Variants in ZNF385C observed in about 807,000 individuals in gnomAD.
ZNF385C encodes the protein zinc finger protein 385C, also known as CTD-2132N18.2.
A neutral mutation model predicts 35.4 loss-of-function variants in ZNF385C; 28 were observed. The ratio of observed to expected loss-of-function variants is 0.79; its 90% CI spans 0.59 to 1.08. ZNF385C has a LOEUF of 1.08. Among genes scored for constraint, ZNF385C ranks in the 50% least tolerant of loss-of-function variants. The pLI is 0.00. For synonymous variants in ZNF385C, 248 were observed against 248.2 expected (o/e 1.00, Z 0.01); for missense variants, 605 against 595.6 (o/e 1.02, Z -0.16).
At chr17:42,061,328 C>T (rs527460429) in intron 2 of ZNF385C, 3 of 140,370 alleles carry the variant, frequency 2.1e-5, no homozygotes, top group Admixed American at 8.1e-5. Flanking sequence ...TCAAGTGATT[C>T]GTCTGCCTCA....
At chr17:42,068,626 A>G (rs2053581670) in intron 1 of ZNF385C, among the ~76,000 whole-genome samples, 1 of 152,180 alleles carries the variant, frequency 6.6e-6, no homozygotes. Context: ...AGTAGCTGGG[A>G]TTACCGGCAT....
intron 4 of ZNF385C, among the ~76,000 whole-genome samples, chr17:42,032,879 CTT>C: frequency 6.8e-6 from 1 of 146,016 alleles, no homozygotes; most frequent in Middle Eastern, 3.5e-3. Flanking sequence ...CAACTGGCTG[CTT>C]TTTTTTTTTT....
intron 1 of ZNF385C, among the ~76,000 whole-genome samples, chr17:42,080,319 G>A (rs1555659625): frequency 6.6e-6 from 1 of 152,156 alleles, no homozygotes; most frequent in African/African-American, 2.4e-5. Flanking sequence ...GGGAAGGAAA[G>A]GCCCTGACTA....
chr17:42,040,025 C>A, intron 2 of ZNF385C: 1 of 1,231,070 alleles, frequency 8.1e-7, no homozygotes, highest in Non-Finnish European at 1.0e-6. Context: ...CGCCCAAGGC[C>A]GAATACTACG....
chr17:42,081,337 C>T (rs2053746682), intron 1 of ZNF385C, among the ~76,000 whole-genome samples: 1 of 152,104 alleles, frequency 6.6e-6, no homozygotes, highest in Non-Finnish European at 1.5e-5. Flanking sequence ...CAACCACTCA[C>T]GGGAATCACC....
At chr17:42,093,984 C>CTTT (rs782233998) in intron 1 of ZNF385C, among the ~76,000 whole-genome samples, 2 of 137,426 alleles carry the variant, frequency 1.5e-5, no homozygotes, top group African/African-American at 2.7e-5. Flanking sequence ...GCATTATCAC[C>CTTT]TTTTTTTTTT....
At chr17:42,051,544 G>C (rs1298721084) in intron 2 of ZNF385C, among the ~76,000 whole-genome samples, 1 of 152,022 alleles carries the variant, frequency 6.6e-6, no homozygotes, top group African/African-American at 2.4e-5. Flanking sequence ...TTACAACTTG[G>C]GGAGGAGGCT....
At chr17:42,052,631 A>G (rs1282355582) in intron 2 of ZNF385C, among the ~76,000 whole-genome samples, 1 of 152,184 alleles carries the variant, frequency 6.6e-6, no homozygotes, top group Non-Finnish European at 1.5e-5. Context: ...ATATACCCAG[A>G]GAGACAGATG....
chr17:42,051,893 T>C (rs1358593824), intron 2 of ZNF385C, among the ~76,000 whole-genome samples: 1 of 152,034 alleles, frequency 6.6e-6, no homozygotes, highest in African/African-American at 2.4e-5. Context: ...GCCCCAGAGC[T>C]GCTGGGATGG....
intron 2 of ZNF385C, among the ~76,000 whole-genome samples, chr17:42,047,875 G>A (rs60277898): frequency 0.72 from 109,363 of 151,648 alleles, 42,032 homozygotes; most frequent in South Asian, 0.85. Flanking sequence ...GGCTGGTCTC[G>A]AACTCCTGAC....
chr17:42,037,227 ACCCT>A (rs1305377862), intron 3 of ZNF385C, among the ~76,000 whole-genome samples: 3 of 152,024 alleles, frequency 2.0e-5, no homozygotes, highest in Non-Finnish European at 2.9e-5. Context: ...GACACAATAA[ACCCT>A]CAGATTGTGC....
rs1326168994 is a variant in ZNF385C at position 42,028,920 on chromosome 17, G to A, written c.830C>T (p.Ala277Val). The A allele has an allele frequency of 1.9e-6, 3 of 1,550,506 alleles. No individual in the cohort carries two copies. Among genetic ancestry groups the A allele is most frequent in the Non-Finnish European group, 2.6e-6 (3 of 1,147,016 alleles). The change falls in exon 6 of 9, where the codon GCA becomes GTA. Residue 277 changes from alanine (A) to valine (V), a missense_variant. Transcript: ENST00000692273. ...AGCTGCCGCTGGCTCAGGCCCCGGTGCCTCTCTCCCAGGCTCTGGGGAGCA... is the reference window on the plus strand; with the variant it reads ...AGCTGCCGCTGGCTCAGGCCCCGGTACCTCTCTCCCAGGCTCTGGGGAGCA... ...PPCSPEPGRE[A>V]PGPEPAAAAV... is the part of the protein sequence containing the mutation.
chr17:42,077,878 C>A (rs536302917), intron 1 of ZNF385C, among the ~76,000 whole-genome samples: 10 of 152,298 alleles, frequency 6.6e-5, no homozygotes, highest in South Asian at 2.1e-4. Context: ...CCCCTCCCCC[C>A]ACATTTTGCC....
chr17:42,054,028 G>C (rs1348997551), intron 2 of ZNF385C, among the ~76,000 whole-genome samples: 1 of 152,198 alleles, frequency 6.6e-6, no homozygotes, highest in Non-Finnish European at 1.5e-5. Context: ...TGCCAGGAAG[G>C]AGCTGCCCAT....
chr17:42,085,578 G>C (rs2053797458), intron 1 of ZNF385C, among the ~76,000 whole-genome samples: 1 of 147,358 alleles, frequency 6.8e-6, no homozygotes, highest in Admixed American at 6.9e-5. Flanking sequence ...GAGCCGCCAA[G>C]CTGGGCCTCT....
intron 2 of ZNF385C, chr17:42,040,688 G>A (rs1555656056): frequency 1.6e-6 from 2 of 1,232,178 alleles, no homozygotes; most frequent in Non-Finnish European, 2.0e-6. Flanking sequence ...ACTGGCCGAG[G>A]CCCTGCCAAG....
intron 1 of ZNF385C, among the ~76,000 whole-genome samples, chr17:42,080,743 G>C (rs2143927293): frequency 6.6e-6 from 1 of 152,312 alleles, no homozygotes; most frequent in South Asian, 2.1e-4. Context: ...AAAACCAGCT[G>C]AGAGGTTCCA....
chr17:42,060,434 C>T (rs916110383), intron 2 of ZNF385C, among the ~76,000 whole-genome samples: 3 of 152,180 alleles, frequency 2.0e-5, no homozygotes, highest in Non-Finnish European at 4.4e-5. Context: ...AGGTGGCTCC[C>T]GCTGTCCTCT....
At chr17:42,045,341 G>A (rs551720397) in intron 2 of ZNF385C, among the ~76,000 whole-genome samples, 1 of 152,368 alleles carries the variant, frequency 6.6e-6, no homozygotes, top group Admixed American at 6.5e-5. Flanking sequence ...GTGCGCCACC[G>A]CGCCTGGCCT....
Sources: gnomAD v4.1 joint callset for allele counts (sites outside exome capture counted in the v4.1 genomes callset) on GRCh38, gnomAD v4.1.1 for gene constraint, MANE v1.5 for transcripts, NCBI Gene and HGNC (gene_info 2026-07-23, HGNC 2026-07-21) for gene names.